Variants in ZDHHC18 observed in about 807,000 individuals in gnomAD.
ZDHHC18 encodes the protein palmitoyltransferase ZDHHC18.
In ZDHHC18, 23 loss-of-function variants were observed where a neutral mutation model predicts 37.5. The observed-to-expected ratio is 0.61, with a 90% CI of 0.44 to 0.87. The LOEUF (loss-of-function observed/expected upper bound fraction) is 0.87, where lower values mean the gene tolerates loss of function less well. Among genes scored for constraint, ZDHHC18 ranks in the 40% least tolerant of loss-of-function variants. The probability of loss-of-function intolerance (pLI) is 0.00; values close to 1 mark genes in which losing one functional copy is unlikely to be tolerated. For missense variants in ZDHHC18, 406 were observed against 525.6 expected (o/e 0.77, Z 2.22); for synonymous variants, 185 against 218.7 (o/e 0.85, Z 1.36).
chr1:26,835,095 C>T (rs2081605732), intron 2 of ZDHHC18, among the ~76,000 whole-genome samples: 1 of 152,178 alleles, frequency 6.6e-6, no homozygotes, highest in African/African-American at 2.4e-5. Context: ...TGTGCGGAGG[C>T]AGCCCTTCAG....
intron 2 of ZDHHC18, among the ~76,000 whole-genome samples, chr1:26,843,396 C>T (rs2081648229): frequency 6.6e-6 from 1 of 151,444 alleles, no homozygotes; most frequent in South Asian, 2.1e-4. Context: ...CCGTCTCAGC[C>T]TCCCAAAGTG....
At chr1:26,840,180 G>A (rs1342946416) in intron 2 of ZDHHC18, among the ~76,000 whole-genome samples, 2 of 152,210 alleles carry the variant, frequency 1.3e-5, no homozygotes, top group Admixed American at 6.5e-5. Context: ...AGACCTGTGG[G>A]ATTCCACTGA....
intron 1 of ZDHHC18, among the ~76,000 whole-genome samples, chr1:26,827,426 C>T (rs964850980): frequency 3.3e-5 from 5 of 151,808 alleles, no homozygotes; most frequent in African/African-American, 1.2e-4. Context: ...CACCTGTCTG[C>T]CTGCCACTGC....
intron 1 of ZDHHC18, 25 bp downstream of exon 1, chr1:26,827,164 C>G: frequency 1.5e-6 from 2 of 1,352,736 alleles, no homozygotes; most frequent in South Asian, 1.8e-5. Flanking sequence ...CTCGGCGCCC[C>G]CTCCCAGCCC....
At chr1:26,851,605 C>T (rs2124268511) in intron 6 of ZDHHC18, among the ~76,000 whole-genome samples, 1 of 152,360 alleles carries the variant, frequency 6.6e-6, no homozygotes, top group East Asian at 1.9e-4. Context: ...GCAGAAAGGA[C>T]AGGGATGTTT....
At chr1:26,838,347 C>T (rs888851750) in intron 2 of ZDHHC18, among the ~76,000 whole-genome samples, 1 of 152,012 alleles carries the variant, frequency 6.6e-6, no homozygotes, top group Non-Finnish European at 1.5e-5. Flanking sequence ...TGCTGTGTTG[C>T]CCAGGCTGAT....
chr1:26,832,242 CA>C (rs2081591333), intron 1 of ZDHHC18, among the ~76,000 whole-genome samples: 1 of 152,168 alleles, frequency 6.6e-6, no homozygotes, highest in South Asian at 2.1e-4. Flanking sequence ...AAGTATATCA[CA>C]AGGATCAATT....
In ZDHHC18 at chr1:26,833,885, G is replaced by A. The variant is rs558241019; in HGVS notation, c.496+1278G>A. Among the ~76,000 whole-genome samples, 25 of 152,242 alleles carry A rather than the reference G, an allele frequency of 1.6e-4. No homozygotes were observed. In the South Asian group the frequency reaches 5.0e-3, roughly 30 times the overall value. On this transcript the variant is annotated intron_variant, in intron 2 of 7. Coordinates refer to ENST00000374142, the MANE Select transcript of ZDHHC18 (RefSeq NM_032283.3). The stretch of plus-strand genomic sequence containing the variant: ...CACTAATACTCTGTGCAGCAGGGAG[G>A]GAGGGAGGGCGAGCAGCTGGAGAGG...
intron 2 of ZDHHC18, among the ~76,000 whole-genome samples, chr1:26,844,958 T>C (rs1422783067): frequency 6.6e-6 from 1 of 151,380 alleles, no homozygotes; most frequent in African/African-American, 2.4e-5. Flanking sequence ...TCTTGCTCTG[T>C]CACCCAGGCT....
In ZDHHC18 at chr1:26,853,944, C is replaced by A; in HGVS notation, c.*101C>A. The A allele has an allele frequency of 9.5e-7, 1 of 1,047,274 alleles. No individual in the cohort carries two copies. The highest frequency in any genetic ancestry group is 1.4e-6 in the Non-Finnish European group (1 of 694,800). 64.9% of individuals were successfully genotyped at this position (1,047,274 alleles called of 1,614,324 possible). ...CCAAGGGAAGCAGAACTGCCAAAGA[C>A]TCAAGTCTTTTCATATTTATTTCCC... On this transcript the variant is annotated 3_prime_UTR_variant, in exon 8 of 8. Coordinates refer to ENST00000374142, the MANE Select transcript of ZDHHC18 (RefSeq NM_032283.3).
At chr1:26,844,271 T>A (rs1418739907) in intron 2 of ZDHHC18, among the ~76,000 whole-genome samples, 1 of 152,186 alleles carries the variant, frequency 6.6e-6, no homozygotes, top group African/African-American at 2.4e-5. Context: ...ACTCCTGACC[T>A]CAAGTGATCT....
At chr1:26,851,351 T>G (rs1170918382) in intron 6 of ZDHHC18, 120 bp downstream of exon 6, 10 of 952,406 alleles carry the variant, frequency 1.0e-5, no homozygotes, top group Non-Finnish European at 1.3e-5. Context: ...ATAATGCCTT[T>G]TAAGCAGCCA....
intron 6 of ZDHHC18, among the ~76,000 whole-genome samples, chr1:26,851,543 C>T (rs2081704448): frequency 1.3e-5 from 2 of 152,240 alleles, no homozygotes; most frequent in Non-Finnish European, 2.9e-5. Context: ...TGACCGCTTA[C>T]AGAATTCTTT....
chr1:26,834,782 G>A (rs2081603781), intron 2 of ZDHHC18, among the ~76,000 whole-genome samples: 1 of 152,314 alleles, frequency 6.6e-6, no homozygotes. Context: ...AAACAGTCAG[G>A]ACATCTCCCA....
intron 2 of ZDHHC18, among the ~76,000 whole-genome samples, chr1:26,846,144 GTATA>G (rs1173669314): frequency 6.9e-6 from 1 of 145,984 alleles, no homozygotes; most frequent in Non-Finnish European, 1.5e-5. Flanking sequence ...ATATATGTGT[GTATA>G]TATATACATG....
chr1:26,848,474 A>G (rs2081684253), intron 2 of ZDHHC18, 134 bp from the exon 3 acceptor site: 2 of 1,192,048 alleles, frequency 1.7e-6, no homozygotes, highest in Non-Finnish European at 2.4e-6. Context: ...ATTTTACTCC[A>G]ATGTTTGTTC....
intron 2 of ZDHHC18, among the ~76,000 whole-genome samples, chr1:26,833,313 T>A (rs993983163): frequency 6.6e-6 from 1 of 152,056 alleles, no homozygotes; most frequent in African/African-American, 2.4e-5. Flanking sequence ...GAACATCTTG[T>A]GAAGGAGGTG....
intron 6 of ZDHHC18, 65 bp downstream of exon 6, chr1:26,851,296 G>C (rs1231354435): frequency 6.6e-7 from 1 of 1,513,924 alleles, no homozygotes; most frequent in African/African-American, 1.4e-5. Context: ...AGGGCTGAGG[G>C]AGCCTGGGGC....
chr1:26,845,813 G>A (rs2081661178), intron 2 of ZDHHC18, among the ~76,000 whole-genome samples: 1 of 152,004 alleles, frequency 6.6e-6, no homozygotes, highest in South Asian at 2.1e-4. Flanking sequence ...AAAGGCTGGA[G>A]TACAGTGGCA....
Sources: gnomAD v4.1 joint callset for allele counts (sites outside exome capture counted in the v4.1 genomes callset) on GRCh38, gnomAD v4.1.1 for gene constraint, MANE v1.5 for transcripts, NCBI Gene and HGNC (gene_info 2026-07-23, HGNC 2026-07-21) for gene names.